SKP2: variants seen among roughly 807,000 people sequenced by gnomAD.
SKP2 encodes S-phase kinase associated protein 2.
In SKP2, 16 loss-of-function variants were observed where a neutral mutation model predicts 51.8. That is an observed-to-expected ratio of 0.31 (90% CI 0.21 to 0.47). SKP2 has a LOEUF of 0.47. Among genes scored for constraint, SKP2 ranks in the 20% least tolerant of loss-of-function variants. The pLI is 1.00. For missense variants in SKP2, 377 were observed against 505.3 expected (o/e 0.75, Z 2.43); for synonymous variants, 176 against 198.6 (o/e 0.89, Z 0.96).
chr5:36,188,938 CTT>C (rs1331121231), downstream of SKP2, among the ~76,000 whole-genome samples: 2 of 152,254 alleles, frequency 1.3e-5, no homozygotes, highest in African/African-American at 2.4e-5. Context: ...TCTTTTTACT[CTT>C]TTTTCTCTAA....
rs73080009 is a variant in SKP2 at position 36,190,807 on chromosome 5, T to C, written c.633-1814T>C. ...CCATTCCCCTCCAATACAGATAATT[T>C]TGAAGCAAAACCCAGACCCATAATA... On this transcript the variant is annotated intron_variant, in intron 6 of 7. Coordinates refer to the SKP2 transcript ENST00000677886. 7.6e-3 allele frequency among the ~76,000 whole-genome samples: 1,153 copies of C among 152,146 alleles called. 11 individuals are homozygous for C. Among genetic ancestry groups the C allele is most frequent in the African/African-American group, 0.026 (1,094 of 41,504 alleles).
At position 36,182,971 on chromosome 5, in the gene SKP2, C is replaced by G. The variant is rs568271341; in HGVS notation, c.*940C>G. The G allele has an allele frequency of 1.0e-6, 1 of 958,102 alleles. No individual in the cohort carries two copies. Among genetic ancestry groups the G allele is most frequent in the South Asian group, 4.9e-5 (1 of 20,228 alleles). 59.4% of individuals were successfully genotyped at this position (958,102 alleles called of 1,614,324 possible). A position where few individuals can be genotyped will look rare whatever the true frequency, so the allele number is the denominator to read the frequency against. ...TTCTTAAGGTTACTTTTATATTACT[C>G]TGGAATCAAGTATTTTAAATTGTAT... On this transcript the variant is annotated 3_prime_UTR_variant, in exon 10 of 10. Coordinates refer to ENST00000274255, the MANE Select transcript of SKP2 (RefSeq NM_005983.4).
In SKP2 at chr5:36,159,309, C is replaced by G. The variant is rs113831651; in HGVS notation, c.281-4336C>G. 3.4e-3 allele frequency among the ~76,000 whole-genome samples: 517 copies of G among 152,330 alleles called. 1 individual carries two copies. Among genetic ancestry groups the G allele is most frequent in the African/African-American group, 0.012 (502 of 41,570 alleles). ...AGATTTTCCTCTAGCACTTTAATTA[C>G]CTGGCTGCTACTGCTCTTTTAATTG... On this transcript the variant is annotated intron_variant, in intron 2 of 9. Coordinates refer to ENST00000274255, the MANE Select transcript of SKP2 (RefSeq NM_005983.4).
rs371017309 is a variant in SKP2 at position 36,171,669 on chromosome 5, G to A, written c.837G>A (p.Ala279=). Residue 279 remains alanine (A), a synonymous_variant, in exon 7 of 10, where the codon GCG becomes GCA. Transcript: ENST00000274255. The part of the protein sequence containing the change: ...FTEKHVQVAV[A]HVSETITQLN... Reference sequence around the variant, plus strand: ...AAAAGCATGTACAGGTGGCTGTTGCGCATGTGTCAGAGACCATCACCCAGC... The same window carrying A: ...AAAAGCATGTACAGGTGGCTGTTGCACATGTGTCAGAGACCATCACCCAGC... 7.6e-5 allele frequency: 123 copies of A among 1,613,488 alleles called. No homozygotes were observed. The highest frequency in any genetic ancestry group is 1.3e-4 in the East Asian group (6 of 44,886).
chr5:36,180,553 T>C (rs908216995), intron 9 of SKP2, among the ~76,000 whole-genome samples: 1 of 152,156 alleles, frequency 6.6e-6, no homozygotes, highest in Non-Finnish European at 1.5e-5. Context: ...TTGTAGAATG[T>C]AGAATAAATA....
intron 2 of SKP2, 109 bp from the exon 3 acceptor site, chr5:36,163,536 A>T (rs1745190766): frequency 1.5e-6 from 1 of 673,680 alleles, no homozygotes; most frequent in Non-Finnish European, 2.7e-6. Flanking sequence ...TTTGTGCTAA[A>T]TTCCTCATTT....
chr5:36,170,095 A>G (rs1032639606), intron 5 of SKP2, among the ~76,000 whole-genome samples: 25 of 152,216 alleles, frequency 1.6e-4, no homozygotes, highest in Non-Finnish European at 3.4e-4. Context: ...CTTCATAGTA[A>G]GTCTTTTATT....
rs769832982 is a variant in SKP2 at position 36,152,907 on chromosome 5, G to A, written c.145G>A (p.Glu49Lys). 4 of 1,614,120 alleles carry A rather than the reference G, an allele frequency of 2.5e-6. No homozygotes were observed. Among genetic ancestry groups the A allele is most frequent in the South Asian group, 2.2e-5 (2 of 91,082 alleles). Residue 49 changes from glutamate (E) to lysine (K), a missense_variant, in exon 2 of 10, where the codon GAG becomes AAG. Physicochemically the swap from Glu to Lys is moderately conservative, Grantham distance 56. This residue lies in a region of SKP2 where 115 missense variants were observed against 115.5 expected (regional missense o/e 1.00). Transcript: ENST00000274255. ...CCTGGAGAAAGAGGAGCCCGACAGTGAGAACATCCCCCAGGAACTGCTCTC... is the reference window on the plus strand; with the variant it reads ...CCTGGAGAAAGAGGAGCCCGACAGTAAGAACATCCCCCAGGAACTGCTCTC... ...SALEKEEPDS[E>K]NIPQELLSNL...
chr5:36,182,545 A>G lies in SKP2; in HGVS notation c.*514A>G. 1 of 984,882 alleles carries G rather than the reference A, an allele frequency of 1.0e-6. No individual in the cohort carries two copies. Among genetic ancestry groups the G allele is most frequent in the Non-Finnish European group, 1.2e-6 (1 of 829,362 alleles). 61.0% of individuals were successfully genotyped at this position (984,882 alleles called of 1,614,324 possible). A position where few individuals can be genotyped will look rare whatever the true frequency, so the allele number is the denominator to read the frequency against. On this transcript the variant is annotated 3_prime_UTR_variant, in exon 10 of 10. Transcript: ENST00000274255. ...CATCTTTTCTAGGAATAGGAAAGAGAAAAATGTATTTGAATTTTGCCTTTA... is the reference window on the plus strand; with the variant it reads ...CATCTTTTCTAGGAATAGGAAAGAGGAAAATGTATTTGAATTTTGCCTTTA...
chr5:36,190,664 G>T (rs1195436691), intron 6 of SKP2, among the ~76,000 whole-genome samples: 4 of 51,928 alleles, frequency 7.7e-5, no homozygotes, highest in Admixed American at 2.7e-4. Flanking sequence ...TTTAAATGAT[G>T]AAAAACGTCA....
intron 7 of SKP2, among the ~76,000 whole-genome samples, chr5:36,176,332 T>G (rs1486804108): frequency 6.6e-6 from 1 of 151,842 alleles, no homozygotes; most frequent in African/African-American, 2.4e-5. Context: ...TATGGTAGTT[T>G]TAAAATTTTA....
chr5:36,163,806 A>G (rs992427598), intron 3 of SKP2, 50 bp downstream of exon 3: 9 of 1,237,078 alleles, frequency 7.3e-6, no homozygotes, highest in Non-Finnish European at 1.1e-5. Flanking sequence ...AGAGGAGAGG[A>G]AGGTTATTTA....
intron 3 of SKP2, 150 bp from the exon 4 acceptor site, chr5:36,166,369 T>G (rs1394624993): frequency 1.6e-6 from 1 of 608,638 alleles, no homozygotes; most frequent in Non-Finnish European, 2.9e-6. Flanking sequence ...ATATCATAGC[T>G]AATTGTATAG....
chr5:36,187,244 G>T (rs1181350878), downstream of SKP2, among the ~76,000 whole-genome samples: 5 of 152,086 alleles, frequency 3.3e-5, no homozygotes, highest in African/African-American at 1.2e-4. Flanking sequence ...CTTCAATTCT[G>T]CTCTGATCTT....
chr5:36,186,150 T>TG (rs1474321965), downstream of SKP2, among the ~76,000 whole-genome samples: 2 of 152,216 alleles, frequency 1.3e-5, no homozygotes, highest in African/African-American at 4.8e-5. Context: ...AAGGAGATTT[T>TG]GGCTGAGACG....
chr5:36,169,568 G>C (rs1745403971), intron 5 of SKP2, among the ~76,000 whole-genome samples: 1 of 152,238 alleles, frequency 6.6e-6, no homozygotes, highest in African/African-American at 2.4e-5. Flanking sequence ...ATCGAGGATA[G>C]AAGAAGCTAG....
chr5:36,159,963 A>G (rs1284672920), intron 2 of SKP2, among the ~76,000 whole-genome samples: 3 of 152,200 alleles, frequency 2.0e-5, no homozygotes, highest in Non-Finnish European at 4.4e-5. Flanking sequence ...TGAAGAAAAT[A>G]CCCAGACTTA....
intron 2 of SKP2, 106 bp downstream of exon 2, chr5:36,153,148 G>A (rs1744805267): frequency 9.1e-7 from 1 of 1,098,384 alleles, no homozygotes; most frequent in Non-Finnish European, 1.3e-6. Flanking sequence ...TTTTAAGATT[G>A]CCTAATTCTG....
intron 6 of SKP2, among the ~76,000 whole-genome samples, chr5:36,190,156 C>T (rs548718361): frequency 1.3e-5 from 2 of 152,272 alleles, no homozygotes; most frequent in South Asian, 4.1e-4. Flanking sequence ...TTCCCTGACC[C>T]CTTTCACTTC....
Sources: allele counts gnomAD v4.1 joint callset (sites outside exome capture counted in the v4.1 genomes callset), GRCh38; gene constraint gnomAD v4.1.1; regional missense constraint gnomAD v4.1.1; transcripts MANE v1.5; gene names NCBI Gene and HGNC (gene_info 2026-07-23, HGNC 2026-07-21).